Variants in PARN observed in about 807,000 individuals in gnomAD.
PARN encodes the protein poly(A)-specific ribonuclease.
A neutral mutation model predicts 102.8 loss-of-function variants in PARN; 71 were observed. That is an observed-to-expected ratio of 0.69 (90% CI 0.57 to 0.84). The LOEUF (loss-of-function observed/expected upper bound fraction) is 0.84, where lower values mean the gene tolerates loss of function less well. PARN is among the 40% of genes least tolerant of loss of function. PARN has a pLI of 0.00. For synonymous variants in PARN, 261 were observed against 252.9 expected, an observed-to-expected ratio of 1.03 and a Z score of -0.30; for missense variants, 782 against 760.9, an observed-to-expected ratio of 1.03 and a Z score of -0.33.
At chr16:14,608,059 C>T in intron 9 of PARN, 1 of 553,688 alleles carries the variant, frequency 1.8e-6, no homozygotes, top group Non-Finnish European at 3.2e-6. Context: ...AACAGATGCA[C>T]CAAAGTGATA....
At chr16:14,534,223 A>T (rs1966509394) in intron 21 of PARN, among the ~76,000 whole-genome samples, 1 of 149,124 alleles carries the variant, frequency 6.7e-6, no homozygotes, top group African/African-American at 2.5e-5. Flanking sequence ...CTGTCTCAGA[A>T]AAAAAAAAAA....
intron 2 of PARN, 50 bp downstream of exon 2, chr16:14,629,547 C>G (rs1250872657): frequency 1.5e-6 from 2 of 1,328,042 alleles, no homozygotes; most frequent in East Asian, 2.3e-5. Context: ...TTGAAGGAGC[C>G]TTGGCTATGC....
intron 21 of PARN, among the ~76,000 whole-genome samples, chr16:14,493,378 G>T (rs567510112): frequency 1.3e-5 from 2 of 152,222 alleles, no homozygotes; most frequent in African/African-American, 4.8e-5. Context: ...ACAACACCTG[G>T]CTGATTTTTG....
chr16:14,501,265 C>CA (rs573188807), intron 21 of PARN, among the ~76,000 whole-genome samples: 5,566 of 125,226 alleles, frequency 0.044, 181 homozygotes, highest in Admixed American at 0.12. Flanking sequence ...CCCATCTTTA[C>CA]AAAAAAAAAC....
At chr16:14,535,901 T>C (rs1966586957) in intron 21 of PARN, among the ~76,000 whole-genome samples, 1 of 152,178 alleles carries the variant, frequency 6.6e-6, no homozygotes. Context: ...GTATCCTCCA[T>C]GGATAAGGAG....
At chr16:14,603,872 G>C (rs565145790) in intron 11 of PARN, among the ~76,000 whole-genome samples, 2 of 152,352 alleles carry the variant, frequency 1.3e-5, no homozygotes, top group African/African-American at 4.8e-5. Context: ...GACACTCAGT[G>C]ACACAAGCTA....
chr16:14,447,413 G>C (rs914622157), intron 22 of PARN, among the ~76,000 whole-genome samples: 5 of 152,208 alleles, frequency 3.3e-5, no homozygotes, highest in African/African-American at 4.8e-5. Flanking sequence ...TAGAATAGTA[G>C]AGATAATATA....
At chr16:14,515,164 A>G (rs1437931831) in intron 21 of PARN, among the ~76,000 whole-genome samples, 1 of 152,126 alleles carries the variant, frequency 6.6e-6, no homozygotes, top group Non-Finnish European at 1.5e-5. Context: ...AGCCTTTGAG[A>G]TGGGATCTTG....
intron 22 of PARN, among the ~76,000 whole-genome samples, chr16:14,466,715 T>C (rs1446588981): frequency 6.6e-6 from 1 of 152,250 alleles, no homozygotes; most frequent in African/African-American, 2.4e-5. Flanking sequence ...TATTACTACA[T>C]TCCACAATCA....
intron 21 of PARN, among the ~76,000 whole-genome samples, chr16:14,496,916 T>C (rs1228341170): frequency 6.6e-6 from 1 of 152,212 alleles, no homozygotes; most frequent in Non-Finnish European, 1.5e-5. Flanking sequence ...AGCAGTCTTA[T>C]TTTGAATACG....
chr16:14,453,647 A>C (rs1482171176), intron 22 of PARN, among the ~76,000 whole-genome samples: 1 of 152,212 alleles, frequency 6.6e-6, no homozygotes, highest in Non-Finnish European at 1.5e-5. Flanking sequence ...AGTCCTATTT[A>C]TATAGTTTTG....
At chr16:14,519,435 T>A in intron 21 of PARN, among the ~76,000 whole-genome samples, 1 of 152,056 alleles carries the variant, frequency 6.6e-6, no homozygotes, top group African/African-American at 2.4e-5. Flanking sequence ...CAATGAGCAC[T>A]CTAGCACCCA....
At chr16:14,525,836 T>C (rs1965967108) in intron 21 of PARN, among the ~76,000 whole-genome samples, 1 of 152,186 alleles carries the variant, frequency 6.6e-6, no homozygotes, top group Non-Finnish European at 1.5e-5. Context: ...AAATTTTCTT[T>C]TTCTTTTCTT....
intron 21 of PARN, among the ~76,000 whole-genome samples, chr16:14,495,856 A>C (rs1167474146): frequency 6.6e-6 from 1 of 152,016 alleles, no homozygotes; most frequent in Non-Finnish European, 1.5e-5. Context: ...CAGCTTTGTG[A>C]ATCTGGGGGC....
chr16:14,611,095 G>A (rs1485396849), intron 6 of PARN, among the ~76,000 whole-genome samples: 4 of 152,226 alleles, frequency 2.6e-5, no homozygotes, highest in Non-Finnish European at 4.4e-5. Context: ...CTGTAGTGAA[G>A]GGAACTACTT....
At chr16:14,556,674 A>G in intron 18 of PARN, among the ~76,000 whole-genome samples, 1 of 152,258 alleles carries the variant, frequency 6.6e-6, no homozygotes, top group East Asian at 1.9e-4. Flanking sequence ...TGTTAGTCCA[A>G]GTAAACAGAA....
At chr16:14,468,175 T>C (rs747096286) in intron 22 of PARN, among the ~76,000 whole-genome samples, 10 of 152,124 alleles carry the variant, frequency 6.6e-5, no homozygotes, top group Non-Finnish European at 1.2e-4. Context: ...TGAATGGGAT[T>C]TGGGAAGAGA....
chr16:14,621,765 C>G (rs917797585), intron 5 of PARN, among the ~76,000 whole-genome samples: 1 of 147,044 alleles, frequency 6.8e-6, no homozygotes, highest in Non-Finnish European at 1.5e-5. Context: ...GAGCCAAGAT[C>G]GTGCCACTGC....
At chr16:14,597,729 A>G (rs1970612477) in intron 12 of PARN, among the ~76,000 whole-genome samples, 1 of 152,184 alleles carries the variant, frequency 6.6e-6, no homozygotes, top group South Asian at 2.1e-4. Context: ...GACATCATGA[A>G]CCATCATTTC....
Sources: gnomAD v4.1 joint callset for allele counts (sites outside exome capture counted in the v4.1 genomes callset) on GRCh38, gnomAD v4.1.1 for gene constraint, MANE v1.5 for transcripts, NCBI Gene and HGNC (gene_info 2026-07-23, HGNC 2026-07-21) for gene names.